The following KIZ variants were observed in gnomAD, a reference collection of about 807,000 sequenced individuals.
KIZ encodes the protein centrosomal protein kizuna.
KIZ carries 68 observed loss-of-function variants against 79.6 expected under a neutral mutation model. The observed-to-expected ratio is 0.85, with a 90% CI of 0.70 to 1.05. The LOEUF (loss-of-function observed/expected upper bound fraction) is 1.05, where lower values mean the gene tolerates loss of function less well. Ranked by LOEUF, KIZ falls within the 50% of genes least tolerant of loss-of-function variation. The pLI is 0.00. For missense variants in KIZ, 797 were observed against 800.4 expected (o/e 1.00, Z 0.05); for synonymous variants, 280 against 281.8 (o/e 0.99, Z 0.06).
At chr20:21,135,783 G>T (rs1290351596) in intron 2 of KIZ, among the ~76,000 whole-genome samples, 1 of 152,028 alleles carries the variant, frequency 6.6e-6, no homozygotes, top group Non-Finnish European at 1.5e-5. Flanking sequence ...ATATGTTTTT[G>T]CTATTATACT....
chr20:21,219,264 G>A (rs2036421516), intron 9 of KIZ, among the ~76,000 whole-genome samples: 1 of 152,024 alleles, frequency 6.6e-6, no homozygotes, highest in African/African-American at 2.4e-5. Context: ...GCAAAACCAA[G>A]TTCAGTATCT....
intron 6 of KIZ, among the ~76,000 whole-genome samples, chr20:21,180,598 C>A (rs1386924356): frequency 6.6e-6 from 1 of 152,124 alleles, no homozygotes; most frequent in Non-Finnish European, 1.5e-5. Context: ...GTAGTTTATT[C>A]TGGTGGAGCA....
chr20:21,129,461 G>T (rs140645799), intron 1 of KIZ, among the ~76,000 whole-genome samples: 1 of 152,302 alleles, frequency 6.6e-6, no homozygotes, highest in East Asian at 1.9e-4. Context: ...GTGGCTGGGC[G>T]TGGTGGCTCA....
chr20:21,155,859 G>T (rs1193008500), intron 4 of KIZ, among the ~76,000 whole-genome samples: 1 of 152,092 alleles, frequency 6.6e-6, no homozygotes, highest in African/African-American at 2.4e-5. Context: ...TGCTCTACGT[G>T]AACTTGTTTG....
At chr20:21,169,961 A>G (rs995328361) in intron 6 of KIZ, among the ~76,000 whole-genome samples, 1 of 152,144 alleles carries the variant, frequency 6.6e-6, no homozygotes, top group African/African-American at 2.4e-5. Context: ...GAGTTTATCC[A>G]TTCACCTACT....
In KIZ at chr20:21,184,751, A is replaced by G. The variant is rs148869014; in HGVS notation, c.1353-20740A>G. Among the ~76,000 whole-genome samples, 59 of 152,192 alleles carry G rather than the reference A, an allele frequency of 3.9e-4. 2 individuals are homozygous for G. The highest frequency in any genetic ancestry group is 1.3e-3 in the African/African-American group (56 of 41,534). ...AAGTTAAGCAGGAAATAAGACTTTA[A>G]TGTTTCCTGGGGCCTCGTGTCGTGG... On this transcript the variant is annotated intron_variant, in intron 6 of 12. Transcript: ENST00000619189.
At chr20:21,209,739 G>A (rs1436094619) in intron 7 of KIZ, among the ~76,000 whole-genome samples, 1 of 152,236 alleles carries the variant, frequency 6.6e-6, no homozygotes, top group African/African-American at 2.4e-5. Context: ...CTGCATATTA[G>A]GGGAAAATAT....
At chr20:21,152,762 A>C (rs2033183624) in intron 4 of KIZ, among the ~76,000 whole-genome samples, 2 of 152,260 alleles carry the variant, frequency 1.3e-5, no homozygotes, top group Middle Eastern at 6.8e-3. Context: ...TGCTGTCACT[A>C]TTTTGGAATG....
Position 21,205,493 on chromosome 20 carries a change from C to T in KIZ, c.1355C>T (p.Pro452Leu). The T allele has an allele frequency of 6.9e-7, 1 of 1,442,946 alleles. No individual in the cohort carries two copies. The highest frequency in any genetic ancestry group is 9.6e-7 in the Non-Finnish European group (1 of 1,042,270). The allele number at this position is 1,442,946 out of a possible 1,614,324, so 89.4% of individuals were successfully genotyped here. A position where few individuals can be genotyped will look rare whatever the true frequency, so the allele number is the denominator to read the frequency against. ...AGTGTCCTGTTTCTGTTTTATAGAC[C>T]TGGACAAACACCAGACTCAGACGTA... ...ESSTNAPTRE[P>L]GQTPDSDVPR... Residue 452 changes from proline to leucine, a missense_variant and splice_region_variant, in exon 7 of 13, where the codon CCT (proline) becomes CTT (leucine). By Grantham distance (98) the Pro-to-Leu change is moderately conservative (BLOSUM62 -3). Transcript: ENST00000619189.
At chr20:21,192,527 G>C (rs1489826028) in intron 6 of KIZ, among the ~76,000 whole-genome samples, 3 of 151,988 alleles carry the variant, frequency 2.0e-5, no homozygotes, top group Non-Finnish European at 2.9e-5. Flanking sequence ...GTGACCTTCA[G>C]TCTCACTAAA....
At chr20:21,235,821 A>G (rs1259112572) in intron 11 of KIZ, among the ~76,000 whole-genome samples, 1 of 152,210 alleles carries the variant, frequency 6.6e-6, no homozygotes, top group African/African-American at 2.4e-5. Context: ...CCAGCCTTGC[A>G]GCCACCAGAG....
intron 2 of KIZ, among the ~76,000 whole-genome samples, chr20:21,134,105 G>A (rs1196920928): frequency 2.0e-5 from 3 of 152,152 alleles, no homozygotes; most frequent in Non-Finnish European, 4.4e-5. Context: ...CGGCTGTGGC[G>A]ACTGTGGCGA....
chr20:21,231,342 A>C (rs1397450521), intron 10 of KIZ, among the ~76,000 whole-genome samples: 1 of 152,114 alleles, frequency 6.6e-6, no homozygotes, highest in Non-Finnish European at 1.5e-5. Flanking sequence ...AACAAACAAA[A>C]AGATGAGTAA....
chr20:21,136,569 T>C lies in KIZ; in HGVS notation c.315+17T>C, dbSNP rs781570517. On this transcript the variant is annotated intron_variant, in intron 3 of 12. Transcript: ENST00000619189. Reference sequence around the variant, plus strand: ...AAACTGAAGGTGACTTCCTGTTTTTTACTGTGTTTTATTTTATTTGTTGTT... The same window carrying C: ...AAACTGAAGGTGACTTCCTGTTTTTCACTGTGTTTTATTTTATTTGTTGTT... 89 of 1,516,516 alleles carry C rather than the reference T, an allele frequency of 5.9e-5. No individual in the cohort carries two copies. The highest frequency in any genetic ancestry group is 7.5e-5 in the Non-Finnish European group (85 of 1,129,870). 93.9% of individuals were successfully genotyped at this position (1,516,516 alleles called of 1,614,324 possible). A position where few individuals can be genotyped will look rare whatever the true frequency, so the allele number is the denominator to read the frequency against.
intron 6 of KIZ, among the ~76,000 whole-genome samples, chr20:21,199,929 G>A (rs1204767741): frequency 2.6e-5 from 4 of 152,032 alleles, no homozygotes; most frequent in Admixed American, 2.0e-4. Context: ...AGAGATTCTT[G>A]TGCCTCAGCC....
At chr20:21,144,437 A>G (rs1455163196) in intron 3 of KIZ, among the ~76,000 whole-genome samples, 1 of 152,202 alleles carries the variant, frequency 6.6e-6, no homozygotes, top group Non-Finnish European at 1.5e-5. Context: ...AGGAATAGAT[A>G]TGGAACAGAG....
chr20:21,139,456 A>G (rs1019232932), intron 3 of KIZ, among the ~76,000 whole-genome samples: 5 of 152,168 alleles, frequency 3.3e-5, no homozygotes, highest in African/African-American at 4.8e-5. Flanking sequence ...AAAATGTTTA[A>G]AGTTCAAAAA....
At chr20:21,236,744 C>G (rs2037019281) in intron 11 of KIZ, among the ~76,000 whole-genome samples, 2 of 152,116 alleles carry the variant, frequency 1.3e-5, no homozygotes, top group South Asian at 4.1e-4. Flanking sequence ...CCTGTAATCC[C>G]AGCACTTTGG....
intron 4 of KIZ, among the ~76,000 whole-genome samples, chr20:21,153,123 C>G (rs1222513928): frequency 6.6e-6 from 1 of 152,114 alleles, no homozygotes; most frequent in Admixed American, 6.6e-5. Context: ...AAGAGTAGGG[C>G]TAATAATAAT....
Sources: gnomAD v4.1 joint callset for allele counts (sites outside exome capture counted in the v4.1 genomes callset) on GRCh38, gnomAD v4.1.1 for gene constraint, MANE v1.5 for transcripts, NCBI Gene and HGNC (gene_info 2026-07-23, HGNC 2026-07-21) for gene names.